The following LHFPL3 variants were observed in gnomAD, a reference collection of about 807,000 sequenced individuals.
The protein encoded by LHFPL3 is LHFPL tetraspan subfamily member 3 protein.
LHFPL3 carries 5 observed loss-of-function variants against 19.3 expected under a neutral mutation model. The observed-to-expected ratio is 0.26, with a 90% confidence interval of 0.14 to 0.54. The LOEUF (loss-of-function observed/expected upper bound fraction) is 0.54. LHFPL3 is among the 20% of genes least tolerant of loss of function. LHFPL3 has a pLI of 0.94. For synonymous variants in LHFPL3, 133 were observed against 126.2 expected (o/e 1.05, Z -0.36); for missense variants, 249 against 307.4 (o/e 0.81, Z 1.42).
At chr7:104,794,437 C>T (rs1200608861) in intron 2 of LHFPL3, among the ~76,000 whole-genome samples, 1 of 152,166 alleles carries the variant, frequency 6.6e-6, no homozygotes, top group Non-Finnish European at 1.5e-5. Context: ...TGTTGAATAA[C>T]TGGAACCACA....
intron 2 of LHFPL3, among the ~76,000 whole-genome samples, chr7:104,780,727 C>T (rs1794704233): frequency 6.6e-6 from 1 of 152,152 alleles, no homozygotes; most frequent in Non-Finnish European, 1.5e-5. Flanking sequence ...CTCTTTTGTC[C>T]ACATCAGTGA....
At chr7:104,357,215 T>C (rs1790296658) in intron 1 of LHFPL3, among the ~76,000 whole-genome samples, 1 of 152,216 alleles carries the variant, frequency 6.6e-6, no homozygotes, top group African/African-American at 2.4e-5. Flanking sequence ...AAGACATCCA[T>C]GTTCTTGCTC....
intron 1 of LHFPL3, among the ~76,000 whole-genome samples, chr7:104,349,800 C>G (rs1445047801): frequency 6.6e-6 from 1 of 152,180 alleles, no homozygotes; most frequent in Non-Finnish European, 1.5e-5. Context: ...TACATTTACC[C>G]CACTTTCCAA....
intron 2 of LHFPL3, among the ~76,000 whole-genome samples, chr7:104,774,836 C>T (rs1331822447): frequency 1.3e-5 from 2 of 152,166 alleles, no homozygotes; most frequent in African/African-American, 2.4e-5. Context: ...TTAAAGGCCT[C>T]ATTCAGGAGG....
intron 1 of LHFPL3, among the ~76,000 whole-genome samples, chr7:104,625,894 C>G (rs1037532908): frequency 2.0e-5 from 3 of 152,180 alleles, no homozygotes; most frequent in African/African-American, 7.2e-5. Context: ...ACATAGTACT[C>G]ACATCATGAA....
intron 1 of LHFPL3, among the ~76,000 whole-genome samples, chr7:104,578,537 A>G (rs150702364): frequency 3.1e-3 from 469 of 152,272 alleles, no homozygotes; most frequent in African/African-American, 0.011. Flanking sequence ...ATAATGTATG[A>G]TATTACATTA....
At chr7:104,595,574 G>A (rs1790833285) in intron 1 of LHFPL3, among the ~76,000 whole-genome samples, 1 of 152,218 alleles carries the variant, frequency 6.6e-6, no homozygotes, top group Admixed American at 6.5e-5. Context: ...ACAGTGCTGG[G>A]AGAACCACTG....
intron 1 of LHFPL3, 32 bp from the exon 2 acceptor site, chr7:104,736,643 G>C (rs376136878): frequency 2.1e-6 from 3 of 1,418,610 alleles, no homozygotes; most frequent in African/African-American, 2.8e-5. Flanking sequence ...TATCTTTTTT[G>C]TTTCTTTTGT....
chr7:104,739,634 T>C (rs1265432869), intron 2 of LHFPL3, among the ~76,000 whole-genome samples: 4 of 152,196 alleles, frequency 2.6e-5, no homozygotes, highest in Non-Finnish European at 5.9e-5. Flanking sequence ...CACTATTAAG[T>C]TTTTTTCTGA....
At chr7:104,858,824 G>A (rs1205632165) in intron 2 of LHFPL3, among the ~76,000 whole-genome samples, 1 of 152,014 alleles carries the variant, frequency 6.6e-6, no homozygotes, top group Admixed American at 6.6e-5. Flanking sequence ...CCACATTGGA[G>A]TACTTTCTCC....
intron 1 of LHFPL3, among the ~76,000 whole-genome samples, chr7:104,358,147 C>A (rs955022995): frequency 8.5e-5 from 13 of 152,128 alleles, no homozygotes; most frequent in African/African-American, 2.7e-4. Context: ...TTGTGGTTGC[C>A]AGGACCTGGG....
intron 1 of LHFPL3, among the ~76,000 whole-genome samples, chr7:104,372,844 T>C (rs750921589): frequency 2.0e-5 from 3 of 152,204 alleles, no homozygotes; most frequent in Non-Finnish European, 2.9e-5. Flanking sequence ...GGAAATGTTC[T>C]CTTGTGATTT....
chr7:104,408,623 C>T (rs1288853813), intron 1 of LHFPL3, among the ~76,000 whole-genome samples: 2 of 152,104 alleles, frequency 1.3e-5, no homozygotes, highest in African/African-American at 4.8e-5. Flanking sequence ...TGGCCAAATT[C>T]ATTTTATCAT....
At chr7:104,346,289 G>A (rs1471328668) in intron 1 of LHFPL3, among the ~76,000 whole-genome samples, 1 of 151,228 alleles carries the variant, frequency 6.6e-6, no homozygotes, top group Non-Finnish European at 1.5e-5. Flanking sequence ...ACCCACCTTG[G>A]CCTCCCAAAG....
At chr7:104,628,755 C>G (rs1441227199) in intron 1 of LHFPL3, among the ~76,000 whole-genome samples, 1 of 152,128 alleles carries the variant, frequency 6.6e-6, no homozygotes, top group Non-Finnish European at 1.5e-5. Flanking sequence ...TAGAACTTTT[C>G]TATATAATTT....
At chr7:104,376,835 A>G (rs1054366665) in intron 1 of LHFPL3, among the ~76,000 whole-genome samples, 4 of 152,114 alleles carry the variant, frequency 2.6e-5, no homozygotes, top group African/African-American at 7.2e-5. Context: ...CACCTCCCAA[A>G]TTGACTTTTT....
At chr7:104,674,318 C>A (rs1301953481) in intron 1 of LHFPL3, among the ~76,000 whole-genome samples, 1 of 151,442 alleles carries the variant, frequency 6.6e-6, no homozygotes, top group Non-Finnish European at 1.5e-5. Context: ...TATATTTGAC[C>A]ATTTGATTAA....
At chr7:104,808,287 T>C (rs755573153) in intron 2 of LHFPL3, among the ~76,000 whole-genome samples, 19 of 152,224 alleles carry the variant, frequency 1.2e-4, no homozygotes, top group Non-Finnish European at 2.2e-4. Flanking sequence ...ATTTTTCCAA[T>C]TGAACCCACC....
intron 1 of LHFPL3, among the ~76,000 whole-genome samples, chr7:104,496,821 G>C (rs916274211): frequency 6.6e-6 from 1 of 152,184 alleles, no homozygotes; most frequent in Admixed American, 6.5e-5. Flanking sequence ...CACTTCCTGT[G>C]CTTAACTTAG....
Sources: gnomAD v4.1 joint callset for allele counts (sites outside exome capture counted in the v4.1 genomes callset) on GRCh38, gnomAD v4.1.1 for gene constraint, MANE v1.5 for transcripts, NCBI Gene and HGNC (gene_info 2026-07-23, HGNC 2026-07-21) for gene names.